The following WDFY3 variants were observed in gnomAD, a reference collection of about 807,000 sequenced individuals.
WDFY3 encodes WD repeat and FYVE domain containing 3.
In WDFY3, 66 loss-of-function variants were observed where a neutral mutation model predicts 409.6. The ratio of observed to expected loss-of-function variants is 0.16; its 90% CI spans 0.13 to 0.20. WDFY3 has a LOEUF of 0.20. Among genes scored for constraint, WDFY3 ranks in the 10% least tolerant of loss-of-function variants. The pLI is 1.00. For synonymous variants in WDFY3, 1,521 were observed against 1,537.1 expected (o/e 0.99, Z 0.25); for missense variants, 3,031 against 4,298.1 (o/e 0.71, Z 8.24).
At chr4:84,845,990 T>C (rs372215410) in intron 5 of WDFY3, among the ~76,000 whole-genome samples, 2 of 150,130 alleles carry the variant, frequency 1.3e-5, no homozygotes, top group South Asian at 2.1e-4. Flanking sequence ...CAACAGACAA[T>C]AAAATTAAAT....
intron 15 of WDFY3, among the ~76,000 whole-genome samples, chr4:84,806,714 C>T (rs950965383): frequency 2.6e-5 from 4 of 152,074 alleles, no homozygotes; most frequent in African/African-American, 9.7e-5. Flanking sequence ...TCATGCAGTT[C>T]TCCTGACTCA....
At chr4:84,739,349 A>C (rs1037965333) in intron 39 of WDFY3, 4 of 436,148 alleles carry the variant, frequency 9.2e-6, no homozygotes, top group Non-Finnish European at 1.7e-5. Context: ...TTATTACCTT[A>C]ATATTTAACA....
intron 47 of WDFY3, 141 bp downstream of exon 47, chr4:84,721,268 C>A: frequency 8.9e-7 from 1 of 1,125,842 alleles, no homozygotes; most frequent in Non-Finnish European, 1.3e-6. Context: ...AAGTAGAGTA[C>A]TGAACCCAAA....
At chr4:84,937,661 CA>C (rs1210219086) in intron 1 of WDFY3, among the ~76,000 whole-genome samples, 2 of 152,232 alleles carry the variant, frequency 1.3e-5, no homozygotes, top group African/African-American at 4.8e-5. Context: ...CATCTGCTCC[CA>C]AAATCTCCCA....
chr4:84,722,552 G>A (rs1735019391), intron 46 of WDFY3, among the ~76,000 whole-genome samples: 1 of 151,994 alleles, frequency 6.6e-6, no homozygotes, highest in African/African-American at 2.4e-5. Flanking sequence ...ATAATACAAG[G>A]ACATATAATG....
At chr4:84,866,481 C>T (rs987180780) in intron 3 of WDFY3, among the ~76,000 whole-genome samples, 1 of 152,236 alleles carries the variant, frequency 6.6e-6, no homozygotes, top group African/African-American at 2.4e-5. Flanking sequence ...TCTCCCTAAC[C>T]CTCCCCTTTC....
chr4:84,869,006 T>G (rs1238131103), intron 3 of WDFY3, among the ~76,000 whole-genome samples: 7 of 152,246 alleles, frequency 4.6e-5, no homozygotes, highest in African/African-American at 1.7e-4. Context: ...AAAATGTGAC[T>G]GCATAATACT....
Position 84,696,094 on chromosome 4 carries a change from T to A in WDFY3, c.8777A>T (p.Glu2926Val), listed in dbSNP as rs1243655267. The A allele has an allele frequency of 6.2e-7, 1 of 1,614,162 alleles. No individual in the cohort carries two copies. Among genetic ancestry groups the A allele is most frequent in the Non-Finnish European group, 8.5e-7 (1 of 1,180,030 alleles). The change falls in exon 58 of 68, where the codon GAA becomes GTA. Residue 2926 changes from glutamate to valine, a missense_variant. Transcript: ENST00000295888. The part of the protein sequence containing the change: ...GYKQQGPAAV[E>V]AVNVFHHLFY... ...AAGATGATGGAAGACATTTACAGCT[T>A]CTACTGCAGCAGGGCCTTGCTGTTT...
intron 44 of WDFY3, among the ~76,000 whole-genome samples, chr4:84,728,097 T>C (rs1735962409): frequency 6.6e-6 from 1 of 152,056 alleles, no homozygotes; most frequent in Non-Finnish European, 1.5e-5. Context: ...TATATTTCAA[T>C]GTATATAAAA....
At chr4:84,943,276 C>T (rs561898394) in intron 1 of WDFY3, among the ~76,000 whole-genome samples, 9 of 151,924 alleles carry the variant, frequency 5.9e-5, no homozygotes, top group Non-Finnish European at 1.2e-4. Flanking sequence ...CCGAGGCGGG[C>T]GGATCACAAG....
intron 36 of WDFY3, among the ~76,000 whole-genome samples, chr4:84,747,190 G>A (rs538446136): frequency 3.9e-5 from 6 of 152,194 alleles, no homozygotes; most frequent in Non-Finnish European, 8.8e-5. Context: ...AGGTCTTGGG[G>A]ACACTACCCA....
chr4:84,742,970 C>T (rs1040216826), intron 37 of WDFY3, among the ~76,000 whole-genome samples: 1 of 152,126 alleles, frequency 6.6e-6, no homozygotes, highest in Non-Finnish European at 1.5e-5. Context: ...AGTATGACTG[C>T]TCTAAACTGG....
intron 56 of WDFY3, 50 bp downstream of exon 56, chr4:84,702,303 T>C (rs764034630): frequency 6.7e-7 from 1 of 1,502,364 alleles, no homozygotes; most frequent in African/African-American, 1.4e-5. Context: ...TTATTTCTAT[T>C]GGACTTTTCC....
At position 84,810,073 on chromosome 4, in the gene WDFY3, C is replaced by T. The variant is rs779330721; in HGVS notation, c.2159G>A (p.Arg720Gln). The change falls in exon 14 of 68, where the codon CGA becomes CAA. Residue 720 changes from arginine to glutamine, a missense_variant. This residue lies in a region of WDFY3 where 1,322 missense variants were observed against 1,697.9 expected (regional missense o/e 0.78). Coordinates refer to ENST00000295888, the MANE Select transcript of WDFY3 (RefSeq NM_014991.6). ...TAGGTCTGAGAAGCAGCCAAGAAATCGAACAGCATCTGCCAACTTCTCATA... is the reference window on the plus strand; with the variant it reads ...TAGGTCTGAGAAGCAGCCAAGAAATTGAACAGCATCTGCCAACTTCTCATA... The part of the protein sequence containing the change: ...IQYEKLADAV[R>Q]FLGCFSDLRK... 14 of 1,614,150 alleles carry T rather than the reference C, an allele frequency of 8.7e-6. No individual in the cohort carries two copies. The highest frequency in any genetic ancestry group is 1.7e-5 in the Admixed American group (1 of 60,016).
chr4:84,762,355 T>C (rs1742788989), intron 32 of WDFY3, among the ~76,000 whole-genome samples: 1 of 151,110 alleles, frequency 6.6e-6, no homozygotes, highest in Non-Finnish European at 1.5e-5. Flanking sequence ...CAGTAAACTA[T>C]CGCAAGAACA....
chr4:84,824,439 T>C (rs764750999), intron 10 of WDFY3, among the ~76,000 whole-genome samples: 3 of 152,166 alleles, frequency 2.0e-5, no homozygotes, highest in African/African-American at 4.8e-5. Context: ...CAGGTATCCA[T>C]TGGGGACCTT....
chr4:84,783,862 T>TACACAC (rs137878462), intron 24 of WDFY3, among the ~76,000 whole-genome samples: 7,567 of 140,852 alleles, frequency 0.054, 222 homozygotes, highest in African/African-American at 0.091. Flanking sequence ...GTGTCATACA[T>TACACAC]ACACACACAC....
intron 36 of WDFY3, among the ~76,000 whole-genome samples, chr4:84,744,201 C>A (rs1262440200): frequency 6.6e-6 from 1 of 150,432 alleles, no homozygotes; most frequent in Non-Finnish European, 1.5e-5. Flanking sequence ...AAATACTTGA[C>A]TATTATCACA....
chr4:84,859,882 A>T (rs1047375225), intron 4 of WDFY3, among the ~76,000 whole-genome samples: 1 of 152,148 alleles, frequency 6.6e-6, no homozygotes, highest in Non-Finnish European at 1.5e-5. Flanking sequence ...GCCTAAAAAA[A>T]TTGTTATTTT....
Sources: gnomAD v4.1 joint callset for allele counts (sites outside exome capture counted in the v4.1 genomes callset) on GRCh38, gnomAD v4.1.1 for gene constraint, gnomAD v4.1.1 regional missense constraint, MANE v1.5 for transcripts, NCBI Gene and HGNC (gene_info 2026-07-23, HGNC 2026-07-21) for gene names.